The following PCDH15 variants were observed in gnomAD, a reference collection of about 807,000 sequenced individuals.
The protein encoded by PCDH15 is protocadherin-15.
A neutral mutation model predicts 178.5 loss-of-function variants in PCDH15; 129 were observed. That is an observed-to-expected ratio of 0.72 (90% CI 0.63 to 0.84). PCDH15 has a LOEUF of 0.84. PCDH15 is among the 40% of genes least tolerant of loss of function. PCDH15 has a pLI of 0.00. For missense variants in PCDH15, 2,230 were observed against 2,099.9 expected (o/e 1.06, Z -1.21); for synonymous variants, 800 against 732.0 (o/e 1.09, Z -1.50).
At chr10:54,331,526 C>G (rs996069421) in intron 6 of PCDH15, among the ~76,000 whole-genome samples, 20 of 151,976 alleles carry the variant, frequency 1.3e-4, no homozygotes, top group African/African-American at 4.8e-4. Flanking sequence ...TTGCTTATAC[C>G]TATGAGTGGG....
At chr10:54,633,507 A>T (rs765746907) in intron 2 of PCDH15, among the ~76,000 whole-genome samples, 2 of 152,118 alleles carry the variant, frequency 1.3e-5, no homozygotes, top group Non-Finnish European at 2.9e-5. Context: ...ATTCAGGCAG[A>T]GAAGGAAAAT....
chr10:54,769,576 C>T (rs186018392), intron 1 of PCDH15, among the ~76,000 whole-genome samples: 13 of 151,510 alleles, frequency 8.6e-5, no homozygotes, highest in Admixed American at 6.6e-4. Flanking sequence ...CCTGGGATCC[C>T]AAAATGTGAT....
chr10:55,122,683 T>C (rs1837800017), intron 2 of PCDH15, among the ~76,000 whole-genome samples: 1 of 152,136 alleles, frequency 6.6e-6, no homozygotes, highest in Admixed American at 6.6e-5. Context: ...GTGTTAAAAT[T>C]ATCCATGAAC....
At chr10:55,217,450 AT>A (rs1840738762) in intron 1 of PCDH15, among the ~76,000 whole-genome samples, 2 of 151,756 alleles carry the variant, frequency 1.3e-5, no homozygotes, top group South Asian at 2.1e-4. Context: ...TATATTTTCT[AT>A]TTTTTATGTT....
rs1022750869 is a variant in PCDH15 at position 54,794,687 on chromosome 10, T to C, written c.-29+6238A>G. Among the ~76,000 whole-genome samples, 3 of 151,854 alleles carry C rather than the reference T, an allele frequency of 2.0e-5. No individual in the cohort carries two copies. The East Asian group carries it at 5.8e-4, about 30-fold the overall frequency. Reference sequence around the variant, plus strand: ...CTGTACCTACCTGGTAGAGGTTAAATGGATGGCATATTTAAAATCACCATT... The same window carrying C: ...CTGTACCTACCTGGTAGAGGTTAAACGGATGGCATATTTAAAATCACCATT... On this transcript the variant is annotated intron_variant, in intron 1 of 37. Transcript: ENST00000644397.
chr10:55,039,486 T>C (rs1449050063), intron 2 of PCDH15, among the ~76,000 whole-genome samples: 1 of 152,170 alleles, frequency 6.6e-6, no homozygotes, highest in African/African-American at 2.4e-5. Context: ...TCTAAGAATC[T>C]TCCTTTTCCA....
At chr10:54,869,409 G>A (rs1354718575) in intron 3 of PCDH15, among the ~76,000 whole-genome samples, 1 of 152,078 alleles carries the variant, frequency 6.6e-6, no homozygotes, top group African/African-American at 2.4e-5. Flanking sequence ...AAAGCTACTT[G>A]GTCATTACAG....
At chr10:55,065,796 C>A (rs1318644576) in intron 2 of PCDH15, among the ~76,000 whole-genome samples, 1 of 152,004 alleles carries the variant, frequency 6.6e-6, no homozygotes, top group Non-Finnish European at 1.5e-5. Flanking sequence ...TCTACAAGTT[C>A]TTTGGCTTGT....
At chr10:55,558,194 C>T (rs1361326088) in intron 2 of PCDH15, among the ~76,000 whole-genome samples, 2 of 152,062 alleles carry the variant, frequency 1.3e-5, no homozygotes. Flanking sequence ...TTCTTTATAG[C>T]CACTGCTTAT....
intron 1 of PCDH15, among the ~76,000 whole-genome samples, chr10:55,307,603 T>C (rs1843463588): frequency 6.7e-6 from 1 of 149,812 alleles, no homozygotes; most frequent in Admixed American, 6.6e-5. Context: ...GCTTTCTAAC[T>C]TACTTTCTTC....
At chr10:54,645,625 A>C (rs1000151229) in intron 2 of PCDH15, among the ~76,000 whole-genome samples, 1 of 152,152 alleles carries the variant, frequency 6.6e-6, no homozygotes, top group African/African-American at 2.4e-5. Flanking sequence ...GAATTGTAGC[A>C]CACAGAATGA....
intron 2 of PCDH15, among the ~76,000 whole-genome samples, chr10:55,097,303 A>G (rs894122482): frequency 1.3e-5 from 2 of 152,136 alleles, no homozygotes; most frequent in African/African-American, 4.8e-5. Flanking sequence ...GGTGTTTTCT[A>G]ATCATGCCTG....
intron 2 of PCDH15, among the ~76,000 whole-genome samples, chr10:55,580,036 T>C (rs1842577086): frequency 6.6e-6 from 1 of 152,070 alleles, no homozygotes; most frequent in South Asian, 2.1e-4. Flanking sequence ...TTTGTATTTT[T>C]AGTAGAGACA....
intron 1 of PCDH15, among the ~76,000 whole-genome samples, chr10:55,238,977 C>A (rs1262958575): frequency 1.3e-5 from 2 of 151,866 alleles, no homozygotes; most frequent in Non-Finnish European, 2.9e-5. Context: ...ACTTATTAAC[C>A]ATTTCTACTT....
intron 1 of PCDH15, among the ~76,000 whole-genome samples, chr10:54,691,450 C>A (rs1209116911): frequency 6.6e-6 from 1 of 151,962 alleles, no homozygotes; most frequent in Non-Finnish European, 1.5e-5. Context: ...TAAGACTAAA[C>A]TAATCTGAAC....
chr10:53,881,366 G>A (rs947079603), intron 26 of PCDH15, among the ~76,000 whole-genome samples: 5 of 152,088 alleles, frequency 3.3e-5, no homozygotes, highest in Non-Finnish European at 5.9e-5. Context: ...CTATTAGGGC[G>A]ATGGTTACAG....
intron 3 of PCDH15, among the ~76,000 whole-genome samples, chr10:54,499,115 C>T (rs2080399573): frequency 6.6e-6 from 1 of 152,052 alleles, no homozygotes; most frequent in Non-Finnish European, 1.5e-5. Context: ...GAATCCAAAC[C>T]ATATCACTAT....
chr10:55,547,035 T>A (rs1436346122), intron 2 of PCDH15, among the ~76,000 whole-genome samples: 1 of 152,064 alleles, frequency 6.6e-6, no homozygotes, highest in African/African-American at 2.4e-5. Flanking sequence ...GAAAGTCTGA[T>A]AAGGAGATTC....
chr10:55,202,980 C>A (rs1840297072), intron 1 of PCDH15, among the ~76,000 whole-genome samples: 2 of 152,132 alleles, frequency 1.3e-5, no homozygotes, highest in Non-Finnish European at 2.9e-5. Flanking sequence ...TATTTTATAG[C>A]AGTGTGAAAA....
Sources: gnomAD v4.1 joint callset for allele counts (sites outside exome capture counted in the v4.1 genomes callset) on GRCh38, gnomAD v4.1.1 for gene constraint, MANE v1.5 for transcripts, NCBI Gene and HGNC (gene_info 2026-07-23, HGNC 2026-07-21) for gene names.